RGSL1: variants seen among roughly 807,000 people sequenced by gnomAD.
The protein encoded by RGSL1 is regulator of G protein signaling like 1.
A neutral mutation model predicts 124.7 loss-of-function variants in RGSL1; 97 were observed. The ratio of observed to expected loss-of-function variants is 0.78; its 90% confidence interval spans 0.66 to 0.92. RGSL1 has a LOEUF of 0.92. RGSL1 is among the 40% of genes least tolerant of loss of function. The pLI, the probability that RGSL1 is intolerant of heterozygous loss-of-function variation, is 0.00. For synonymous variants in RGSL1, 424 were observed against 438.1 expected, an observed-to-expected ratio of 0.97 and a Z score of 0.40; for missense variants, 1,233 against 1,288.4, an observed-to-expected ratio of 0.96 and a Z score of 0.66.
chr1:182,517,139 A>G (rs1407007250), intron 9 of RGSL1, among the ~76,000 whole-genome samples: 2 of 151,968 alleles, frequency 1.3e-5, no homozygotes, highest in South Asian at 2.1e-4. Context: ...TCTGGATACA[A>G]TATTCTTGCA....
intron 21 of RGSL1, among the ~76,000 whole-genome samples, chr1:182,557,344 AC>A (rs1407557697): frequency 1.3e-5 from 2 of 152,178 alleles, no homozygotes; most frequent in Non-Finnish European, 2.9e-5. Context: ...CTAAGGCAAG[AC>A]CCCAGGTAAG....
intron 19 of RGSL1, among the ~76,000 whole-genome samples, chr1:182,554,280 AC>A (rs1307860894): frequency 6.6e-6 from 1 of 152,198 alleles, no homozygotes; most frequent in Non-Finnish European, 1.5e-5. Context: ...CCACTATGGA[AC>A]ATTGCCTGTG....
chr1:182,509,809 G>A (rs1319760233), intron 9 of RGSL1, among the ~76,000 whole-genome samples: 69 of 116,072 alleles, frequency 5.9e-4, no homozygotes, highest in Middle Eastern at 6.0e-3. Flanking sequence ...CTGGCCGGGC[G>A]GGGGGCTGAC....
At position 182,537,679 on chromosome 1, in the gene RGSL1, A is replaced by G. The variant is rs574508974; in HGVS notation, c.2495-2568A>G. 2.0e-5 allele frequency among the ~76,000 whole-genome samples: 3 copies of G among 152,164 alleles called. No homozygotes were observed. In the South Asian group the frequency reaches 6.2e-4, roughly 32 times the overall value. ...TGGCTATTCTCCACTACTGAGGTAA[A>G]ACCTTCCTTGGTATTCTACTAGATT... is the stretch of plus-strand genomic sequence containing the variant. On this transcript the variant is annotated intron_variant, in intron 14 of 21. Coordinates refer to ENST00000294854, the MANE Select transcript of RGSL1 (RefSeq NM_001137669.2).
intron 4 of RGSL1, among the ~76,000 whole-genome samples, chr1:182,464,586 T>A (rs1653120636): frequency 6.6e-6 from 1 of 151,816 alleles, no homozygotes; most frequent in African/African-American, 2.4e-5. Flanking sequence ...TATCTAGGCA[T>A]GTTGGCGGGA....
rs79424100 is a variant in RGSL1, at chr1:182,453,920, T to G, written c.14-38T>G. 6,048 of 1,123,134 alleles carry G rather than the reference T, an allele frequency of 5.4e-3. 36 individuals carry two copies. Among genetic ancestry groups the G allele is most frequent in the Middle Eastern group, 0.011 (55 of 5,042 alleles). 69.6% of individuals were successfully genotyped at this position (1,123,134 alleles called of 1,614,324 possible). A position where few individuals can be genotyped will look rare whatever the true frequency, so the allele number is the denominator to read the frequency against. ...TTTCTGAACCTGAATGCAATTCTGG[T>G]TCATGTTTTGTTTTTTTATTTCTCT... On this transcript the variant is annotated intron_variant, in intron 1 of 21. Coordinates refer to ENST00000294854, the MANE Select transcript of RGSL1 (RefSeq NM_001137669.2).
intron 4 of RGSL1, among the ~76,000 whole-genome samples, chr1:182,470,980 A>T (rs1653786229): frequency 6.6e-6 from 1 of 152,166 alleles, no homozygotes; most frequent in Non-Finnish European, 1.5e-5. Context: ...AAGATGGATT[A>T]AAATGCACAC....
rs191017216 is a variant in RGSL1, at chr1:182,507,566, T to A, written c.1825+14437T>A. 2.0e-3 allele frequency among the ~76,000 whole-genome samples: 307 copies of A among 152,362 alleles called. 1 individual carries two copies. Among genetic ancestry groups the A allele is most frequent in the African/African-American group, 6.9e-3 (286 of 41,588 alleles). On this transcript the variant is annotated intron_variant, in intron 9 of 21. Coordinates refer to ENST00000294854, the MANE Select transcript of RGSL1 (RefSeq NM_001137669.2). ...TGCTGCAAAAGACAGGATTTCATTCTTTTTTGTGGCTGGATAATATTCCAT... is the reference window on the plus strand; with the variant it reads ...TGCTGCAAAAGACAGGATTTCATTCATTTTTGTGGCTGGATAATATTCCAT...
At chr1:182,491,241 A>C (rs1217998892) in intron 8 of RGSL1, among the ~76,000 whole-genome samples, 1 of 151,772 alleles carries the variant, frequency 6.6e-6, no homozygotes, top group African/African-American at 2.4e-5. Flanking sequence ...TTTGAGATGG[A>C]GTCTCGCTTT....
chr1:182,524,649 C>T (rs916277445), intron 10 of RGSL1, among the ~76,000 whole-genome samples: 3 of 152,352 alleles, frequency 2.0e-5, no homozygotes, highest in South Asian at 4.1e-4. Flanking sequence ...TAACTACTCA[C>T]ATCACCAAGC....
intron 9 of RGSL1, among the ~76,000 whole-genome samples, chr1:182,497,338 A>T (rs866447172): frequency 1.4e-4 from 21 of 147,014 alleles, no homozygotes; most frequent in African/African-American, 3.0e-4. Context: ...ATATATATAT[A>T]TTTTTATATC....
intron 4 of RGSL1, among the ~76,000 whole-genome samples, chr1:182,462,354 C>G (rs1652914147): frequency 6.6e-6 from 1 of 152,066 alleles, no homozygotes; most frequent in African/African-American, 2.4e-5. Context: ...CAAGAGAGTC[C>G]TGCAGGGTGA....
intron 6 of RGSL1, among the ~76,000 whole-genome samples, chr1:182,482,220 A>G (rs1368498131): frequency 1.3e-5 from 2 of 152,158 alleles, no homozygotes; most frequent in African/African-American, 2.4e-5. Flanking sequence ...AATTACATAT[A>G]GAAGGAAGGT....
At chr1:182,455,193 A>G (rs772455859) in intron 2 of RGSL1, among the ~76,000 whole-genome samples, 10 of 152,216 alleles carry the variant, frequency 6.6e-5, no homozygotes, top group Non-Finnish European at 1.2e-4. Flanking sequence ...TACCTGGAAA[A>G]GTCAGGAAAA....
intron 9 of RGSL1, among the ~76,000 whole-genome samples, chr1:182,515,135 C>T (rs1657766068): frequency 1.3e-5 from 2 of 152,214 alleles, no homozygotes; most frequent in African/African-American, 4.8e-5. Context: ...AGCCCACACC[C>T]GTGAAGCAGG....
intron 14 of RGSL1, among the ~76,000 whole-genome samples, chr1:182,533,404 A>C (rs1659327767): frequency 6.6e-6 from 1 of 151,426 alleles, no homozygotes; most frequent in African/African-American, 2.4e-5. Flanking sequence ...TATATGGATT[A>C]ATTCAACAGC....
At chr1:182,501,266 C>CTT (rs151245604) in intron 9 of RGSL1, among the ~76,000 whole-genome samples, 4 of 134,174 alleles carry the variant, frequency 3.0e-5, no homozygotes, top group Non-Finnish European at 6.4e-5. Flanking sequence ...CTCTCTTTCT[C>CTT]TCTTTCTTTC....
chr1:182,528,265 A>G (rs1028403214), intron 11 of RGSL1, among the ~76,000 whole-genome samples: 6 of 152,158 alleles, frequency 3.9e-5, no homozygotes, highest in African/African-American at 1.4e-4. Context: ...TGCCCGTGAC[A>G]CATGGGGATT....
At chr1:182,484,675 A>G (rs1005493196) in intron 6 of RGSL1, among the ~76,000 whole-genome samples, 1 of 152,198 alleles carries the variant, frequency 6.6e-6, no homozygotes, top group Non-Finnish European at 1.5e-5. Context: ...CCCTAGGGGC[A>G]GGGTGCAGGT....
Sources: allele counts gnomAD v4.1 joint callset (sites outside exome capture counted in the v4.1 genomes callset), GRCh38; gene constraint gnomAD v4.1.1; transcripts MANE v1.5; gene names NCBI Gene and HGNC (gene_info 2026-07-23, HGNC 2026-07-21).